Variants in WDFY4 observed in about 807,000 individuals in gnomAD.
WDFY4 encodes WD repeat- and FYVE domain-containing protein 4.
A neutral mutation model predicts 351.9 loss-of-function variants in WDFY4; 169 were observed. That is an observed-to-expected ratio of 0.48 (90% confidence interval 0.42 to 0.55). The LOEUF (loss-of-function observed/expected upper bound fraction) is 0.55, where lower values mean the gene tolerates loss of function less well. Among genes scored for constraint, WDFY4 ranks in the 20% least tolerant of loss-of-function variants. WDFY4 has a pLI of 0.00. For synonymous variants in WDFY4, 1,622 were observed against 1,574.6 expected (o/e 1.03, Z -0.71); for missense variants, 3,803 against 3,935.6 (o/e 0.97, Z 0.90).
chr10:48,815,931 T>G (rs1486258515), intron 31 of WDFY4, among the ~76,000 whole-genome samples: 1 of 152,148 alleles, frequency 6.6e-6, no homozygotes, highest in Non-Finnish European at 1.5e-5. Flanking sequence ...GACATCAGTA[T>G]TATGCTAATA....
At chr10:48,914,129 C>G in intron 47 of WDFY4, 2 of 1,614,036 alleles carry the variant, frequency 1.2e-6, no homozygotes, top group Non-Finnish European at 8.5e-7. Flanking sequence ...TCTTCTTGCC[C>G]TTGGGGCCTT....
chr10:48,769,238 G>C (rs189611589), intron 13 of WDFY4, among the ~76,000 whole-genome samples: 1 of 152,074 alleles, frequency 6.6e-6, no homozygotes, highest in African/African-American at 2.4e-5. Context: ...CCTAAACCAC[G>C]ATCATAAACT....
intron 12 of WDFY4, among the ~76,000 whole-genome samples, chr10:48,756,341 T>A (rs2065335275): frequency 6.6e-6 from 1 of 152,054 alleles, no homozygotes; most frequent in South Asian, 2.1e-4. Flanking sequence ...AGGAATATGG[T>A]TAACTTTTGT....
At chr10:48,964,141 G>T (rs1035750943) in intron 54 of WDFY4, 87 bp downstream of exon 54, 1 of 1,418,148 alleles carries the variant, frequency 7.1e-7, no homozygotes, top group Admixed American at 2.0e-5. Flanking sequence ...AAGTGAAGGA[G>T]ATGGCTGAAG....
At chr10:48,867,458 A>G (rs2069590354) in intron 40 of WDFY4, 116 bp downstream of exon 40, 1 of 550,580 alleles carries the variant, frequency 1.8e-6, no homozygotes, top group Non-Finnish European at 2.8e-6. Context: ...GGCTTGCACC[A>G]TGTTGGGGTT....
intron 39 of WDFY4, among the ~76,000 whole-genome samples, chr10:48,833,201 A>G (rs918658923): frequency 1.1e-4 from 13 of 120,240 alleles, no homozygotes; most frequent in Admixed American, 3.5e-4. Context: ...GAGAGAGATC[A>G]GGAACGTTGT....
At chr10:48,707,089 G>A (rs1054810539) in intron 1 of WDFY4, among the ~76,000 whole-genome samples, 4 of 152,256 alleles carry the variant, frequency 2.6e-5, no homozygotes, top group Admixed American at 1.3e-4. Flanking sequence ...AGAAAGACAA[G>A]CAAGGAAAAA....
At chr10:48,883,532 A>G (rs186313210) in intron 43 of WDFY4, among the ~76,000 whole-genome samples, 12 of 152,248 alleles carry the variant, frequency 7.9e-5, no homozygotes, top group African/African-American at 2.4e-4. Flanking sequence ...TGGGCCTTGT[A>G]CTTTTTCTAA....
intron 39 of WDFY4, among the ~76,000 whole-genome samples, chr10:48,853,848 G>A (rs572702796): frequency 9.2e-5 from 14 of 152,172 alleles, no homozygotes; most frequent in Non-Finnish European, 1.9e-4. Flanking sequence ...CTGTCTGTTC[G>A]TTAGGCTCTA....
In WDFY4 at chr10:48,981,470, C is replaced by T. The variant is rs1004960796; in HGVS notation, c.9480C>T (p.Ala3160=). ...CCAGCCCCGCAGTGACTGCTCTGGC[C>T]GTGTCCAGGTAAGCGCGGCCTTGTT... ...SKTSPAVTAL[A]VSRNHTKLLV... The change falls in exon 61 of 62, where the codon GCC becomes GCT. Residue 3160 remains alanine (A), a synonymous_variant. Transcript: ENST00000325239. 16 of 1,551,598 alleles carry T rather than the reference C, an allele frequency of 1.0e-5. No homozygotes were observed. Among genetic ancestry groups the T allele is most frequent in the African/African-American group, 4.1e-5 (3 of 73,168 alleles).
intron 17 of WDFY4, among the ~76,000 whole-genome samples, chr10:48,777,992 C>T (rs917901168): frequency 1.3e-5 from 2 of 152,206 alleles, no homozygotes; most frequent in African/African-American, 4.8e-5. Context: ...ATGAGTTGGG[C>T]TGATGGCCGT....
chr10:48,907,850 G>A (rs1211507727), intron 47 of WDFY4, among the ~76,000 whole-genome samples: 2 of 152,224 alleles, frequency 1.3e-5, no homozygotes, highest in African/African-American at 2.4e-5. Context: ...AGCCCTGGGA[G>A]CACAACTGTG....
Position 48,791,198 on chromosome 10 carries a change from C to A in WDFY4, c.4257+281C>A, listed in dbSNP as rs374883775. 3.3e-5 allele frequency among the ~76,000 whole-genome samples: 5 copies of A among 152,248 alleles called. No individual in the cohort carries two copies. In the South Asian group the frequency reaches 8.3e-4, roughly 25 times the overall value. ...AATGTCATTTGTGGTTGTCTCCCCA[C>A]CTTGTCTCTAGCATGGTGGCTGAGA... On this transcript the variant is annotated intron_variant, in intron 23 of 61. Transcript: ENST00000325239.
intron 12 of WDFY4, 80 bp downstream of exon 12, chr10:48,743,628 T>C: frequency 1.4e-6 from 2 of 1,422,724 alleles, no homozygotes; most frequent in East Asian, 5.0e-5. Context: ...GTGTACTCAG[T>C]AGGAAGGCTC....
chr10:48,928,129 C>T (rs1172856493), intron 47 of WDFY4, among the ~76,000 whole-genome samples: 4 of 152,160 alleles, frequency 2.6e-5, no homozygotes, highest in Non-Finnish European at 5.9e-5. Context: ...TCTCCTCCCG[C>T]AGATTAGGAA....
intron 11 of WDFY4, among the ~76,000 whole-genome samples, chr10:48,739,341 C>A (rs1244408982): frequency 2.0e-5 from 3 of 152,206 alleles, no homozygotes; most frequent in South Asian, 2.1e-4. Flanking sequence ...TTAACGCTGA[C>A]CTTTCTTGAA....
At position 48,796,438 on chromosome 10, in the gene WDFY4, C is replaced by T; in HGVS notation, c.4398C>T (p.Leu1466=). 1 of 1,551,312 alleles carries T rather than the reference C, an allele frequency of 6.4e-7. No homozygotes were observed. Among genetic ancestry groups the T allele is most frequent in the Non-Finnish European group, 8.7e-7 (1 of 1,147,006 alleles). The change falls in exon 24 of 62, where the codon CTC becomes CTT. Residue 1466 remains leucine, a synonymous_variant. Transcript: ENST00000325239. ...ITNTGVFQHI[L]CNFELWMNTA... ...ACACTGGTGTCTTCCAGCACATCCT[C>T]TGCAATTTCGAGGTAAATCAGAGAT...
intron 13 of WDFY4, among the ~76,000 whole-genome samples, chr10:48,767,207 T>C (rs2065699928): frequency 6.6e-6 from 1 of 152,196 alleles, no homozygotes; most frequent in East Asian, 1.9e-4. Context: ...AGTCTCAGTG[T>C]TCTCATCTGC....
intron 2 of WDFY4, among the ~76,000 whole-genome samples, chr10:48,716,602 C>T (rs1018564645): frequency 2.6e-5 from 4 of 152,092 alleles, no homozygotes; most frequent in Non-Finnish European, 5.9e-5. Flanking sequence ...AAAGAGTTAA[C>T]GCAGCTTCCA....
Sources: allele counts gnomAD v4.1 joint callset (sites outside exome capture counted in the v4.1 genomes callset), GRCh38; gene constraint gnomAD v4.1.1; transcripts MANE v1.5; gene names NCBI Gene and HGNC (gene_info 2026-07-23, HGNC 2026-07-21).